FAM83F: variants seen among roughly 807,000 people sequenced by gnomAD.
FAM83F encodes the protein scaffolding CK1 anchoring protein F.
In FAM83F, 45 loss-of-function variants were observed where a neutral mutation model predicts 42.9. The ratio of observed to expected loss-of-function variants is 1.05; its 90% confidence interval spans 0.83 to 1.35. The LOEUF (loss-of-function observed/expected upper bound fraction) is 1.35, where lower values mean the gene tolerates loss of function less well. FAM83F is among the 40% of genes most tolerant of loss of function. The pLI, the probability that FAM83F is intolerant of heterozygous loss-of-function variation, is 0.00. For missense variants in FAM83F, 617 were observed against 695.9 expected (o/e 0.89, Z 1.28); for synonymous variants, 306 against 298.3 (o/e 1.03, Z -0.27).
rs1006788534 is a variant in FAM83F, at chr22:40,023,602, G to A, written c.1453+1639G>A. On this transcript the variant is annotated intron_variant, in intron 4 of 4. Coordinates refer to ENST00000333407, the MANE Select transcript of FAM83F (RefSeq NM_138435.4). This position sits in a 1 kb window ranked among gnomAD's most constrained non-coding sequence, Gnocchi z 4.1. ...AAAGCCCATTGTCTTGTCCCTTCCC[G>A]CTGCCTTCTGCGTGTCCCTCCACAT... is the stretch of plus-strand genomic sequence containing the variant. Among the ~76,000 whole-genome samples, 3 of 152,008 alleles carry A rather than the reference G, an allele frequency of 2.0e-5. No homozygotes were observed. The highest frequency in any genetic ancestry group is 4.4e-5 in the Non-Finnish European group (3 of 67,994).
intron 1 of FAM83F, among the ~76,000 whole-genome samples, chr22:39,999,288 C>T (rs2067385683): frequency 6.6e-6 from 1 of 152,176 alleles, no homozygotes; most frequent in Non-Finnish European, 1.5e-5. Flanking sequence ...GCTGAGATGG[C>T]ACGAAGCTGT....
chr22:40,033,901 TC>T lies in FAM83F; in HGVS notation c.*4340del, dbSNP rs2067605024. 1 of 152,158 alleles carries T rather than the reference TC, an allele frequency of 6.6e-6. No individual in the cohort carries two copies. The highest frequency in any genetic ancestry group is 2.4e-5 in the African/African-American group (1 of 41,416). The allele number at this position is 152,158 out of a possible 1,614,324, so 9.4% of individuals were successfully genotyped here. On this transcript the variant is annotated 3_prime_UTR_variant, in exon 5 of 5. Transcript: ENST00000333407. ...TTCTTAGTTCTTTACCACCTTATAT[TC>T]CCCATGACAGGTGTGTTTATGTACA...
Position 39,995,343 on chromosome 22 carries a change from TCCGGCGAGTCCCTGGCCTACTGGC to T in FAM83F, c.305_328del (p.Gly102_Pro109del). The stretch of plus-strand genomic sequence containing the variant: ...GGCCCCCGCGCCGGCGCCGGCTGAG[TCCGGCGAGTCCCTGGCCTACTGGC>T]CCGACCGTTCCGACACCGAGGTGCC... On this transcript the variant is annotated inframe_deletion, in exon 1 of 5. Coordinates refer to ENST00000333407, the MANE Select transcript of FAM83F (RefSeq NM_138435.4). The surrounding 1 kb of genome is among the most constrained non-coding windows in gnomAD (Gnocchi z 4.6). 2 of 1,540,880 alleles carry T rather than the reference TCCGGCGAGTCCCTGGCCTACTGGC, an allele frequency of 1.3e-6. No individual in the cohort carries two copies. Among genetic ancestry groups the T allele is most frequent in the Non-Finnish European group, 1.7e-6 (2 of 1,146,062 alleles).
In FAM83F at chr22:40,021,642, C is replaced by T. The variant is rs773144944; in HGVS notation, c.1132C>T (p.Leu378=). 6.3e-7 allele frequency: 1 copy of T among 1,594,918 alleles called. No homozygotes were observed. Among genetic ancestry groups the T allele is most frequent in the South Asian group, 1.1e-5 (1 of 90,642 alleles). ...GCGCCTGGAGAGCTTCCTGAAAGAC[C>T]TGGTTACGGTGGAGCAGGTGCTGCC... ...AWRLESFLKD[L]VTVEQVLPPV... Residue 378 remains leucine, a synonymous_variant, in exon 4 of 5, where the codon CTG becomes TTG. Transcript: ENST00000333407. This position sits in a 1 kb window ranked among gnomAD's most constrained non-coding sequence, Gnocchi z 8.7.
chr22:40,005,275 C>A (rs1443340545), intron 1 of FAM83F, among the ~76,000 whole-genome samples: 1 of 152,242 alleles, frequency 6.6e-6, no homozygotes, highest in Non-Finnish European at 1.5e-5. Flanking sequence ...CACCAACCAG[C>A]AGATGATCCT....
chr22:40,019,096 A>C, intron 1 of FAM83F, 72 bp from the exon 2 acceptor site: 1 of 1,563,544 alleles, frequency 6.4e-7, no homozygotes, highest in Non-Finnish European at 8.7e-7. Context: ...GCGAGGTGGT[A>C]CCATCTGAGC....
chr22:40,013,979 TGTTAA>T (rs1157161869), intron 1 of FAM83F, among the ~76,000 whole-genome samples: 2 of 152,002 alleles, frequency 1.3e-5, no homozygotes, highest in African/African-American at 2.4e-5. Flanking sequence ...TATTGGTTTT[TGTTAA>T]GTTTTTCTTG....
intron 1 of FAM83F, among the ~76,000 whole-genome samples, chr22:40,001,967 C>A (rs2067404447): frequency 6.6e-6 from 1 of 152,184 alleles, no homozygotes; most frequent in African/African-American, 2.4e-5. Flanking sequence ...CAGCCGCTCA[C>A]TGTATTGATC....
intron 1 of FAM83F, among the ~76,000 whole-genome samples, chr22:40,006,006 G>T (rs905853459): frequency 6.6e-6 from 1 of 152,206 alleles, no homozygotes; most frequent in Non-Finnish European, 1.5e-5. Context: ...GTGGGAGGCC[G>T]AGGCGGGCAG....
chr22:40,020,399 G>A (rs536667018), intron 3 of FAM83F, among the ~76,000 whole-genome samples: 85 of 132,076 alleles, frequency 6.4e-4, no homozygotes, highest in East Asian at 3.4e-3. Context: ...GTCTTGCTCC[G>A]TTGCCCAGGC....
chr22:40,022,022 C>A lies in FAM83F; in HGVS notation c.1453+59C>A. The A allele has an allele frequency of 5.0e-6, 7 of 1,414,096 alleles. No individual in the cohort carries two copies. In the South Asian group the frequency reaches 8.5e-5, roughly 17 times the overall value. The allele number at this position is 1,414,096 out of a possible 1,614,324, so 87.6% of individuals were successfully genotyped here. On this transcript the variant is annotated intron_variant, in intron 4 of 4. Transcript: ENST00000333407. ...CAGGCCTCTGGCCCTCGCCCCGCAT[C>A]GGCTCTTATCCAGGAGCACTGCCTC...
rs991738378 is a variant in FAM83F at position 40,038,215 on chromosome 22, G to T, written c.*8650G>T. 6.6e-6 allele frequency: 1 copy of T among 152,370 alleles called. No homozygotes were observed. The highest frequency in any genetic ancestry group is 2.4e-5 in the African/African-American group (1 of 41,434). The allele number at this position is 152,370 out of a possible 1,614,324, so 9.4% of individuals were successfully genotyped here. A position where few individuals can be genotyped will look rare whatever the true frequency, so the allele number is the denominator to read the frequency against. On this transcript the variant is annotated 3_prime_UTR_variant, in exon 5 of 5. Transcript: ENST00000333407. The stretch of plus-strand genomic sequence containing the variant: ...ACAGCATGTAAAGAAGCCCAGAGGA[G>T]GCACTTAACCTGGGGGAGAAGAACA...
intron 1 of FAM83F, among the ~76,000 whole-genome samples, chr22:40,013,552 GCTGT>G (rs1030723776): frequency 6.6e-6 from 1 of 152,158 alleles, no homozygotes; most frequent in African/African-American, 2.4e-5. Flanking sequence ...TTGCTATGGT[GCTGT>G]AGTATGCCTT....
At chr22:40,028,029 A>G (rs1601773769) in intron 4 of FAM83F, among the ~76,000 whole-genome samples, 3 of 152,380 alleles carry the variant, frequency 2.0e-5, no homozygotes, top group Middle Eastern at 3.4e-3. Context: ...GAATGTGTCC[A>G]TTGCAGCAGT....
At chr22:39,996,090 G>A (rs1242267436) in intron 1 of FAM83F, among the ~76,000 whole-genome samples, 2 of 152,184 alleles carry the variant, frequency 1.3e-5, no homozygotes, top group African/African-American at 4.8e-5. Context: ...CCAGCTGCCT[G>A]GAATGAATGG....
chr22:39,995,149 A>G lies in FAM83F; in HGVS notation c.107A>G (p.Glu36Gly). The G allele has an allele frequency of 7.2e-7, 1 of 1,380,048 alleles. No individual in the cohort carries two copies. The highest frequency in any genetic ancestry group is 9.3e-7 in the Non-Finnish European group (1 of 1,076,342). The allele number at this position is 1,380,048 out of a possible 1,614,324, so 85.5% of individuals were successfully genotyped here. ...TGCGAGCGGCGGCGGGCCGCGCTGG[A>G]GGCGCTGCTGGGCGGCGGCGAGCAG... Reference protein sequence around the residue: ...YYCERRRAALEALLGGGEQAY... With the variant: ...YYCERRRAALGALLGGGEQAY... The change falls in exon 1 of 5, where the codon GAG (glutamate) becomes GGG (glycine). Residue 36 changes from glutamate to glycine, a missense_variant. By Grantham distance (98) the Glu-to-Gly change is moderately conservative. Coordinates refer to ENST00000333407, the MANE Select transcript of FAM83F (RefSeq NM_138435.4). The surrounding 1 kb of genome is among the most constrained non-coding windows in gnomAD (Gnocchi z 4.6).
intron 1 of FAM83F, among the ~76,000 whole-genome samples, chr22:40,004,267 A>AATTTT (rs59445798): frequency 0.052 from 6,997 of 133,742 alleles, 321 homozygotes; most frequent in East Asian, 0.13. Flanking sequence ...GCCCTTTTAG[A>AATTTT]ATTTTATTTT....
intron 3 of FAM83F, 108 bp downstream of exon 3, chr22:40,020,116 C>T: frequency 1.4e-6 from 2 of 1,438,544 alleles, no homozygotes; most frequent in Non-Finnish European, 9.2e-7. Context: ...TAACAGGGAT[C>T]ATCTGACGCA....
chr22:40,037,576 A>G lies in FAM83F; in HGVS notation c.*8011A>G, dbSNP rs2067632301. 6.6e-6 allele frequency: 1 copy of G among 152,212 alleles called. No homozygotes were observed. Among genetic ancestry groups the G allele is most frequent in the Admixed American group, 6.5e-5 (1 of 15,276 alleles). 9.4% of individuals were successfully genotyped at this position (152,212 alleles called of 1,614,324 possible). On this transcript the variant is annotated 3_prime_UTR_variant, in exon 5 of 5. Transcript: ENST00000333407. ...ATTGTTCTGTCAAGAGGAATTCACT[A>G]GTCTCACTCCTCCAACCAGACCGCT...
Sources: gnomAD v4.1 joint callset for allele counts (sites outside exome capture counted in the v4.1 genomes callset) on GRCh38, gnomAD v4.1.1 for gene constraint, Gnocchi (gnomAD v3.1) non-coding constraint, MANE v1.5 for transcripts, NCBI Gene and HGNC (gene_info 2026-07-23, HGNC 2026-07-21) for gene names.